The following RNF182 variants were observed in gnomAD, a reference collection of about 807,000 sequenced individuals.
RNF182 encodes the protein E3 ubiquitin-protein ligase RNF182.
A neutral mutation model predicts 14.4 loss-of-function variants in RNF182; 15 were observed. The observed-to-expected ratio is 1.04, with a 90% CI of 0.70 to 1.60. The LOEUF is 1.60. RNF182 is among the 40% of genes most tolerant of loss of function. The pLI, the probability that RNF182 is intolerant of heterozygous loss-of-function variation, is 0.00. For synonymous variants in RNF182, 128 were observed against 122.9 expected (o/e 1.04, Z -0.27); for missense variants, 268 against 294.8 (o/e 0.91, Z 0.67).
Position 13,977,101 on chromosome 6 carries a change from A to T in RNF182, c.-19A>T, listed in dbSNP as rs374549696. 24 of 1,601,276 alleles carry T rather than the reference A, an allele frequency of 1.5e-5. No individual in the cohort carries two copies. The highest frequency in any genetic ancestry group is 2.0e-5 in the Non-Finnish European group (24 of 1,172,562). Reference sequence around the variant, plus strand: ...TTCAACAAGACCCACCTGGCATAAGATTGCACACATAATTCAAGATGGCCA... The same window carrying T: ...TTCAACAAGACCCACCTGGCATAAGTTTGCACACATAATTCAAGATGGCCA... On this transcript the variant is annotated 5_prime_UTR_variant, in exon 3 of 3. Coordinates refer to ENST00000488300, the MANE Select transcript of RNF182 (RefSeq NM_152737.4).
chr6:13,979,731 A>G lies in RNF182; in HGVS notation c.*1868A>G, dbSNP rs1488016542. 1 of 166,940 alleles carries G rather than the reference A, an allele frequency of 6.0e-6. No individual in the cohort carries two copies. Among genetic ancestry groups the G allele is most frequent in the Non-Finnish European group, 1.5e-5 (1 of 68,104 alleles). The allele number at this position is 166,940 out of a possible 1,614,324, so 10.3% of individuals were successfully genotyped here. ...ATGTTCGTTTTGTTTGAAATGTAACATTGAGTAAATTGGTGAGTTATATAA... is the reference window on the plus strand; with the variant it reads ...ATGTTCGTTTTGTTTGAAATGTAACGTTGAGTAAATTGGTGAGTTATATAA... On this transcript the variant is annotated 3_prime_UTR_variant, in exon 3 of 3. Coordinates refer to ENST00000488300, the MANE Select transcript of RNF182 (RefSeq NM_152737.4).
In RNF182 at chr6:13,945,203, A is replaced by G. The variant is rs537051428; in HGVS notation, c.-367+20180A>G. On this transcript the variant is annotated intron_variant, in intron 1 of 2. Transcript: ENST00000488300. ...TTCTCAGATGAAAAAGCCATGACCC[A>G]GAAAGTTTAAGTGATTTACTCAAGA... Among the ~76,000 whole-genome samples the G allele has an allele frequency of 9.2e-5, 14 of 152,326 alleles. No homozygotes were observed. The South Asian group carries it at 2.3e-3, about 25-fold the overall frequency.
At chr6:13,958,691 A>C (rs1759790067) in intron 1 of RNF182, among the ~76,000 whole-genome samples, 2 of 152,366 alleles carry the variant, frequency 1.3e-5, no homozygotes, top group African/African-American at 4.8e-5. Context: ...TAGAACAAAC[A>C]AATAAGTTAA....
At chr6:13,958,880 T>C (rs1759794607) in intron 1 of RNF182, among the ~76,000 whole-genome samples, 1 of 152,208 alleles carries the variant, frequency 6.6e-6, no homozygotes, top group Non-Finnish European at 1.5e-5. Context: ...TGACTAGATC[T>C]CTCATGAATA....
Position 13,954,702 on chromosome 6 carries a change from T to C in RNF182, c.-366-19508T>C, listed in dbSNP as rs949486134. Reference sequence around the variant, plus strand: ...TGGTCTGTGGGTTCACCCTTCTTTTTTTCCTTGCAATTTATTTATTGAAGA... The same window carrying C: ...TGGTCTGTGGGTTCACCCTTCTTTTCTTCCTTGCAATTTATTTATTGAAGA... On this transcript the variant is annotated intron_variant, in intron 1 of 2. Transcript: ENST00000488300. 5.3e-5 allele frequency among the ~76,000 whole-genome samples: 8 copies of C among 152,306 alleles called. No homozygotes were observed. In the South Asian group the frequency reaches 6.2e-4, roughly 12 times the overall value.
At chr6:13,949,718 A>G (rs1585037492) in intron 1 of RNF182, 2 of 232,000 alleles carry the variant, frequency 8.6e-6, no homozygotes, top group Middle Eastern at 2.0e-3. Flanking sequence ...TTTGTGTACG[A>G]TATCTTCACA....
At chr6:13,964,880 T>C (rs983443269) in intron 1 of RNF182, among the ~76,000 whole-genome samples, 3 of 152,058 alleles carry the variant, frequency 2.0e-5, no homozygotes, top group African/African-American at 7.2e-5. Context: ...CTTGGAAGGG[T>C]CCTGGCAGCC....
At chr6:13,939,651 C>A (rs1222413115) in intron 1 of RNF182, among the ~76,000 whole-genome samples, 1 of 152,144 alleles carries the variant, frequency 6.6e-6, no homozygotes, top group East Asian at 1.9e-4. Flanking sequence ...TCATGCCATT[C>A]TCCTGCCTCA....
rs1000924618 is a variant in RNF182 at position 13,949,359 on chromosome 6, A to G, written c.-367+24336A>G. 25 of 765,670 alleles carry G rather than the reference A, an allele frequency of 3.3e-5. No homozygotes were observed. In the African/African-American group the frequency reaches 3.8e-4, roughly 12 times the overall value. The allele number at this position is 765,670 out of a possible 1,614,324, so 47.4% of individuals were successfully genotyped here. On this transcript the variant is annotated intron_variant, in intron 1 of 2. Coordinates refer to ENST00000488300, the MANE Select transcript of RNF182 (RefSeq NM_152737.4). ...GCCCCCTTGCTTCCAAGTGTCCTGA[A>G]GCTGCCAGTCAGATCTCTAACATTC...
At chr6:13,968,217 A>G (rs1182529642) in intron 1 of RNF182, among the ~76,000 whole-genome samples, 1 of 152,254 alleles carries the variant, frequency 6.6e-6, no homozygotes, top group Admixed American at 6.5e-5. Flanking sequence ...AAAACAATTT[A>G]GAAGACTATA....
chr6:13,938,255 A>G (rs1759192355), intron 1 of RNF182, among the ~76,000 whole-genome samples: 2 of 145,256 alleles, frequency 1.4e-5, no homozygotes, highest in South Asian at 4.3e-4. Flanking sequence ...CTGACCTCGT[A>G]ATCTGCCAAC....
chr6:13,959,321 T>G (rs1212372896), intron 1 of RNF182, among the ~76,000 whole-genome samples: 1 of 152,184 alleles, frequency 6.6e-6, no homozygotes, highest in African/African-American at 2.4e-5. Context: ...AACAATAAGT[T>G]CAAGACAGGG....
At chr6:13,939,158 T>A (rs1177755040) in intron 1 of RNF182, among the ~76,000 whole-genome samples, 1 of 152,230 alleles carries the variant, frequency 6.6e-6, no homozygotes, top group Non-Finnish European at 1.5e-5. Context: ...TCAGTTTTGT[T>A]TTTTGTCTTG....
chr6:13,944,842 G>T (rs1406370005), intron 1 of RNF182, among the ~76,000 whole-genome samples: 2 of 152,114 alleles, frequency 1.3e-5, no homozygotes, highest in African/African-American at 2.4e-5. Context: ...AGATGTTTTT[G>T]ACTTCAAATG....
At chr6:13,961,066 C>T (rs1053402004) in intron 1 of RNF182, among the ~76,000 whole-genome samples, 27 of 152,096 alleles carry the variant, frequency 1.8e-4, no homozygotes, top group Non-Finnish European at 2.9e-4. Flanking sequence ...TATTTGTTGG[C>T]GTTCCATATA....
At chr6:13,925,886 C>G (rs554611746) in intron 1 of RNF182, among the ~76,000 whole-genome samples, 1 of 152,148 alleles carries the variant, frequency 6.6e-6, no homozygotes, top group Non-Finnish European at 1.5e-5. Context: ...AGGTACCTTT[C>G]TCAGTGGCCC....
chr6:13,955,645 G>A (rs1759708380), intron 1 of RNF182, among the ~76,000 whole-genome samples: 1 of 152,210 alleles, frequency 6.6e-6, no homozygotes, highest in South Asian at 2.1e-4. Context: ...GGCCCTTGAT[G>A]CATTATGTGC....
rs569394798 is a variant in RNF182 at position 13,939,760 on chromosome 6, A to G, written c.-367+14737A>G. On this transcript the variant is annotated intron_variant, in intron 1 of 2. Coordinates refer to ENST00000488300, the MANE Select transcript of RNF182 (RefSeq NM_152737.4). ...GGGTTTCACCTTGTTAGCCAGGATG[A>G]TCTTGATCTCCTGACCTCGTGATCC... Among the ~76,000 whole-genome samples the G allele has an allele frequency of 3.4e-4, 51 of 152,034 alleles. No homozygotes were observed. In the East Asian group the frequency reaches 9.9e-3, roughly 29 times the overall value.
chr6:13,969,310 A>G (rs1411050921), intron 1 of RNF182, among the ~76,000 whole-genome samples: 1 of 152,128 alleles, frequency 6.6e-6, no homozygotes, highest in Non-Finnish European at 1.5e-5. Context: ...AGTTGCAGTC[A>G]GGAGCTTTGA....
Sources: gnomAD v4.1 joint callset for allele counts (sites outside exome capture counted in the v4.1 genomes callset) on GRCh38, gnomAD v4.1.1 for gene constraint, MANE v1.5 for transcripts, NCBI Gene and HGNC (gene_info 2026-07-23, HGNC 2026-07-21) for gene names.